Variants in PRKN observed in about 807,000 individuals in gnomAD.
The protein encoded by PRKN is parkin RBR E3 ubiquitin protein ligase, also known as E3 ubiquitin-protein ligase parkin.
A neutral mutation model predicts 59.5 loss-of-function variants in PRKN; 56 were observed. The ratio of observed to expected loss-of-function variants is 0.94; its 90% confidence interval spans 0.76 to 1.18. The LOEUF is 1.18. Among genes scored for constraint, PRKN ranks in the 50% most tolerant of loss-of-function variants. The pLI, the probability that PRKN is intolerant of heterozygous loss-of-function variation, is 0.00. For missense variants in PRKN, 657 were observed against 596.4 expected (o/e 1.10, Z -1.06); for synonymous variants, 250 against 222.1 (o/e 1.13, Z -1.12).
intron 9 of PRKN, among the ~76,000 whole-genome samples, chr6:161,469,545 GAA>G (rs139468886): frequency 0.054 from 7,956 of 146,322 alleles, 278 homozygotes; most frequent in African/African-American, 0.12. Context: ...GTGAACAAGA[GAA>G]AGAGAGAGAG....
chr6:162,268,824 T>C (rs1321968186), intron 2 of PRKN, among the ~76,000 whole-genome samples: 2 of 152,108 alleles, frequency 1.3e-5, no homozygotes, highest in Admixed American at 6.6e-5. Context: ...CAGGGGCCCA[T>C]GGTGAAGACC....
chr6:162,336,947 C>G (rs1349777854), intron 2 of PRKN, among the ~76,000 whole-genome samples: 1 of 152,142 alleles, frequency 6.6e-6, no homozygotes, highest in Non-Finnish European at 1.5e-5. Flanking sequence ...ATAAGGATAT[C>G]CCTGGATTTT....
chr6:162,315,565 C>G (rs1319301043), intron 2 of PRKN, among the ~76,000 whole-genome samples: 1 of 152,170 alleles, frequency 6.6e-6, no homozygotes, highest in Non-Finnish European at 1.5e-5. Flanking sequence ...TCTAGCAACT[C>G]TATTTTGCAG....
At chr6:161,620,249 G>A (rs1049970999) in intron 7 of PRKN, among the ~76,000 whole-genome samples, 7 of 150,614 alleles carry the variant, frequency 4.6e-5, no homozygotes, top group African/African-American at 9.8e-5. Context: ...TGATCCGCCC[G>A]CCTCGGCCTC....
At chr6:162,080,350 A>G (rs538756699) in intron 4 of PRKN, among the ~76,000 whole-genome samples, 1 of 152,138 alleles carries the variant, frequency 6.6e-6, no homozygotes, top group East Asian at 1.9e-4. Flanking sequence ...GATAAAACAA[A>G]CAAAACACAT....
intron 1 of PRKN, among the ~76,000 whole-genome samples, chr6:162,628,408 T>TAA: frequency 6.6e-6 from 1 of 152,276 alleles, no homozygotes; most frequent in South Asian, 2.1e-4. Flanking sequence ...GTGTACCAGA[T>TAA]GTTTTGCTGT....
chr6:161,624,502 G>A (rs920869577), intron 7 of PRKN, among the ~76,000 whole-genome samples: 16 of 152,328 alleles, frequency 1.1e-4, no homozygotes, highest in Non-Finnish European at 2.2e-4. Flanking sequence ...CATTAAGCCC[G>A]GGTTCCTGCC....
rs192322804 is a variant in PRKN at position 162,056,475 on chromosome 6, G to C, written c.535-2301C>G. Among the ~76,000 whole-genome samples the C allele has an allele frequency of 6.6e-6, 1 of 152,262 alleles. No homozygotes were observed. Among genetic ancestry groups the C allele is most frequent in the African/African-American group, 2.4e-5 (1 of 41,562 alleles). ...CTGAAAGAGACTGAGCCTTTTGACG[G>C]AGGCTCTTTACCCCAGACTTCAAAA... On this transcript the variant is annotated intron_variant, in intron 4 of 11. Coordinates refer to ENST00000366898, the MANE Select transcript of PRKN (RefSeq NM_004562.3). The surrounding 1 kb of genome is among the most constrained non-coding windows in gnomAD (Gnocchi z 4.9).
At chr6:162,219,903 T>A (rs1044554058) in intron 3 of PRKN, among the ~76,000 whole-genome samples, 3 of 152,130 alleles carry the variant, frequency 2.0e-5, no homozygotes, top group Admixed American at 2.0e-4. Flanking sequence ...CTCCAAGACC[T>A]CCTATGGACA....
chr6:162,463,042 C>G (rs557913479), intron 1 of PRKN, among the ~76,000 whole-genome samples: 1 of 151,920 alleles, frequency 6.6e-6, no homozygotes, highest in East Asian at 1.9e-4. Context: ...GCACTCCCAC[C>G]TGGGTGACGG....
chr6:162,505,223 A>G (rs891262487), intron 1 of PRKN, among the ~76,000 whole-genome samples: 4 of 152,084 alleles, frequency 2.6e-5, no homozygotes, highest in Admixed American at 6.6e-5. Context: ...CATATGTTCA[A>G]GTAAACACGT....
chr6:162,455,964 G>A (rs1790851418), intron 1 of PRKN, among the ~76,000 whole-genome samples: 1 of 151,932 alleles, frequency 6.6e-6, no homozygotes, highest in Admixed American at 6.5e-5. Flanking sequence ...AAATTGAATA[G>A]GTGAATGTCT....
chr6:162,207,099 G>A (rs890248372), intron 3 of PRKN, among the ~76,000 whole-genome samples: 23 of 152,146 alleles, frequency 1.5e-4, no homozygotes, highest in Admixed American at 1.2e-3. Context: ...TCGGCCTGCC[G>A]CAGTGACTCA....
chr6:162,014,724 C>T, intron 5 of PRKN, among the ~76,000 whole-genome samples: 1 of 152,108 alleles, frequency 6.6e-6, no homozygotes, highest in African/African-American at 2.4e-5. Context: ...CTCTCTCTCC[C>T]AGCTGAGGGG....
intron 6 of PRKN, among the ~76,000 whole-genome samples, chr6:161,888,244 T>G (rs1259759555): frequency 6.6e-6 from 1 of 152,154 alleles, no homozygotes; most frequent in African/African-American, 2.4e-5. Context: ...GCTCATTAAC[T>G]CCCTCCAATA....
rs140082933 is a variant in PRKN, at chr6:162,451,367, TAAAA to T, written c.8-7898_8-7895del. On this transcript the variant is annotated intron_variant, in intron 1 of 11. Transcript: ENST00000366898. ...AGTAGTATTACTGTCCTTAAAGGAGTAAAAAAAAAAAAAAAAAAATTGCAATGAG... is the reference window on the plus strand; with the variant it reads ...AGTAGTATTACTGTCCTTAAAGGAGTAAAAAAAAAAAAAAATTGCAATGAG... 1.1e-3 allele frequency among the ~76,000 whole-genome samples: 114 copies of T among 104,726 alleles called. 1 individual carries two copies. Among genetic ancestry groups the T allele is most frequent in the Admixed American group, 2.2e-3 (23 of 10,296 alleles). The allele number at this position is 104,726 out of a possible 152,430, so 68.7% of individuals were successfully genotyped here.
rs1210687265 is a variant in PRKN at position 161,361,731 on chromosome 6, C to T, written c.1168-1526G>A. On this transcript the variant is annotated intron_variant, in intron 10 of 11. Transcript: ENST00000366898. This position sits in a 1 kb window ranked among gnomAD's most constrained non-coding sequence, Gnocchi z 5.2. ...ACCCTTGAGAACTGCCAGGGTGTCA[C>T]GTGATTTGTGAATACTTTGCTAGAA... is the stretch of plus-strand genomic sequence containing the variant. Among the ~76,000 whole-genome samples the T allele has an allele frequency of 7.2e-5, 11 of 152,176 alleles. No individual in the cohort carries two copies. The highest frequency in any genetic ancestry group is 4.6e-4 in the Admixed American group (7 of 15,274).
intron 4 of PRKN, among the ~76,000 whole-genome samples, chr6:162,150,600 G>A (rs1211773811): frequency 6.6e-6 from 1 of 152,126 alleles, no homozygotes; most frequent in African/African-American, 2.4e-5. Context: ...AATAAATCCA[G>A]CTCAATTATA....
intron 2 of PRKN, among the ~76,000 whole-genome samples, chr6:162,386,778 G>T (rs906547763): frequency 6.6e-6 from 1 of 152,238 alleles, no homozygotes; most frequent in Non-Finnish European, 1.5e-5. Flanking sequence ...TTGGTAGGTT[G>T]TATTGAGATT....
Sources: allele counts gnomAD v4.1 joint callset (sites outside exome capture counted in the v4.1 genomes callset), GRCh38; gene constraint gnomAD v4.1.1; non-coding constraint Gnocchi (gnomAD v3.1); transcripts MANE v1.5; gene names NCBI Gene and HGNC (gene_info 2026-07-23, HGNC 2026-07-21).